RBFOX1: variants seen among roughly 807,000 people sequenced by gnomAD.
RBFOX1 encodes RNA binding fox-1 homolog 1.
RBFOX1 carries 8 observed loss-of-function variants against 57.7 expected under a neutral mutation model. That is an observed-to-expected ratio of 0.14 (90% CI 0.08 to 0.25). The LOEUF is 0.25. Among genes scored for constraint, RBFOX1 ranks in the 10% least tolerant of loss-of-function variants. The pLI is 1.00. For synonymous variants in RBFOX1, 326 were observed against 222.4 expected, an observed-to-expected ratio of 1.47 and a Z score of -4.15; for missense variants, 611 against 548.5, an observed-to-expected ratio of 1.11 and a Z score of -1.14.
chr16:6,559,665 C>T (rs114613050), intron 2 of RBFOX1, among the ~76,000 whole-genome samples: 1,725 of 152,124 alleles, frequency 0.011, 29 homozygotes, highest in African/African-American at 0.039. Context: ...TACCCACACA[C>T]ACAAATAAGT....
At chr16:7,372,277 T>C (rs1382412056) in intron 4 of RBFOX1, among the ~76,000 whole-genome samples, 2 of 152,172 alleles carry the variant, frequency 1.3e-5, no homozygotes, top group African/African-American at 2.4e-5. Flanking sequence ...ATACTTCAGA[T>C]CCCATGAGAG....
intron 5 of RBFOX1, among the ~76,000 whole-genome samples, chr16:7,558,728 C>T (rs978954433): frequency 1.8e-4 from 27 of 152,178 alleles, no homozygotes; most frequent in African/African-American, 6.3e-4. Flanking sequence ...ACCGAAAAGG[C>T]TGGAGCCCTG....
intron 1 of RBFOX1, among the ~76,000 whole-genome samples, chr16:5,452,795 C>A (rs575014811): frequency 6.6e-6 from 1 of 152,198 alleles, no homozygotes; most frequent in African/African-American, 2.4e-5. Flanking sequence ...AGGCGTGCAC[C>A]ACCACACCTG....
chr16:7,401,360 C>G (rs768179359), intron 4 of RBFOX1, among the ~76,000 whole-genome samples: 1 of 152,180 alleles, frequency 6.6e-6, no homozygotes, highest in Non-Finnish European at 1.5e-5. Context: ...GAGTATTTAG[C>G]AGTTGTTCCA....
intron 3 of RBFOX1, among the ~76,000 whole-genome samples, chr16:5,678,420 G>A (rs1813205456): frequency 6.6e-6 from 1 of 152,134 alleles, no homozygotes; most frequent in Admixed American, 6.5e-5. Context: ...AGTTTCTATT[G>A]TTCTTAAACA....
intron 3 of RBFOX1, among the ~76,000 whole-genome samples, chr16:7,005,869 C>G (rs959055842): frequency 1.3e-5 from 2 of 152,154 alleles, no homozygotes; most frequent in Admixed American, 6.5e-5. Flanking sequence ...AAATTCTTCC[C>G]TTCTTCTGGA....
At chr16:7,300,167 A>G (rs138604572) in intron 4 of RBFOX1, among the ~76,000 whole-genome samples, 5 of 152,114 alleles carry the variant, frequency 3.3e-5, no homozygotes, top group Admixed American at 3.3e-4. Flanking sequence ...ACTCACCACC[A>G]TCTATTGTAC....
At chr16:5,620,953 G>T (rs768868171) in intron 3 of RBFOX1, among the ~76,000 whole-genome samples, 2 of 152,026 alleles carry the variant, frequency 1.3e-5, no homozygotes, top group Non-Finnish European at 2.9e-5. Context: ...CCATTCTCCT[G>T]CCTCAGCCTC....
At chr16:5,258,290 C>T (rs561807591) in intron 1 of RBFOX1, among the ~76,000 whole-genome samples, 20 of 152,062 alleles carry the variant, frequency 1.3e-4, no homozygotes, top group African/African-American at 2.9e-4. Context: ...AAACTATTAA[C>T]GTTTGCAATA....
At chr16:7,233,970 A>C (rs764924478) in intron 4 of RBFOX1, among the ~76,000 whole-genome samples, 3 of 152,192 alleles carry the variant, frequency 2.0e-5, no homozygotes, top group Non-Finnish European at 2.9e-5. Flanking sequence ...GGAGAATAGA[A>C]GTGAATGAGC....
chr16:6,406,454 T>C (rs1387345421), intron 2 of RBFOX1, among the ~76,000 whole-genome samples: 1 of 152,202 alleles, frequency 6.6e-6, no homozygotes, highest in Non-Finnish European at 1.5e-5. Flanking sequence ...TTCTTTGCTA[T>C]TAAAAATAGG....
chr16:5,822,767 G>C (rs1023868409), intron 3 of RBFOX1, among the ~76,000 whole-genome samples: 14 of 152,166 alleles, frequency 9.2e-5, no homozygotes. Context: ...AATTGGAGAT[G>C]GTTTGTTGTC....
At chr16:5,418,521 G>C (rs781422401) in intron 1 of RBFOX1, among the ~76,000 whole-genome samples, 1 of 152,148 alleles carries the variant, frequency 6.6e-6, no homozygotes, top group Non-Finnish European at 1.5e-5. Flanking sequence ...ATTTCTTTCG[G>C]TGTAGACAGA....
chr16:6,773,323 G>T (rs1288815465), intron 3 of RBFOX1, among the ~76,000 whole-genome samples: 4 of 140,030 alleles, frequency 2.9e-5, no homozygotes, highest in Non-Finnish European at 6.2e-5. Context: ...TGGGTATGGG[G>T]TGCATTTCTG....
chr16:6,702,879 A>G (rs933426606), intron 3 of RBFOX1, among the ~76,000 whole-genome samples: 2 of 152,198 alleles, frequency 1.3e-5, no homozygotes, highest in Admixed American at 6.5e-5. Context: ...CCAGAACTTT[A>G]TCTTCCAAAT....
intron 1 of RBFOX1, among the ~76,000 whole-genome samples, chr16:5,389,021 C>G (rs1043107057): frequency 3.3e-5 from 5 of 151,256 alleles, no homozygotes; most frequent in African/African-American, 7.3e-5. Context: ...GAAACCCCAT[C>G]TCTAGTAAAA....
At chr16:7,164,957 G>C (rs183302094) in intron 4 of RBFOX1, among the ~76,000 whole-genome samples, 2 of 152,162 alleles carry the variant, frequency 1.3e-5, no homozygotes, top group Non-Finnish European at 2.9e-5. Flanking sequence ...GGAGTTGGCA[G>C]CGTGTATCAC....
At chr16:6,580,124 A>C (rs2097514481) in intron 2 of RBFOX1, among the ~76,000 whole-genome samples, 1 of 151,830 alleles carries the variant, frequency 6.6e-6, no homozygotes, top group African/African-American at 2.4e-5. Flanking sequence ...GCACCTAGCT[A>C]ACTTTTGTGT....
intron 2 of RBFOX1, among the ~76,000 whole-genome samples, chr16:6,372,825 G>C (rs1338527450): frequency 2.0e-5 from 3 of 150,824 alleles, no homozygotes; most frequent in African/African-American, 7.3e-5. Flanking sequence ...AACTGGATGG[G>C]AGGATGGTTG....
Sources: allele counts gnomAD v4.1 joint callset (sites outside exome capture counted in the v4.1 genomes callset), GRCh38; gene constraint gnomAD v4.1.1; transcripts MANE v1.5; gene names NCBI Gene and HGNC (gene_info 2026-07-23, HGNC 2026-07-21).